Variants in NT5DC1 observed in about 807,000 individuals in gnomAD.
NT5DC1 encodes 5'-nucleotidase domain-containing protein 1.
Under a neutral mutation model 59.4 loss-of-function variants are expected in NT5DC1, and 42 were observed. The ratio of observed to expected loss-of-function variants is 0.71; its 90% CI spans 0.55 to 0.92. The LOEUF is 0.92. Ranked by LOEUF, NT5DC1 falls within the 40% of genes least tolerant of loss-of-function variation. The pLI, the probability that NT5DC1 is intolerant of heterozygous loss-of-function variation, is 0.00. For synonymous variants in NT5DC1, 172 were observed against 188.1 expected, an observed-to-expected ratio of 0.91 and a Z score of 0.70; for missense variants, 501 against 537.1, an observed-to-expected ratio of 0.93 and a Z score of 0.66.
chr6:116,190,798 AC>A (rs1781100065), intron 6 of NT5DC1, among the ~76,000 whole-genome samples: 1 of 152,016 alleles, frequency 6.6e-6, no homozygotes. Context: ...GGGGCAAGTG[AC>A]AGGTCTGCTG....
intron 6 of NT5DC1, chr6:116,125,214 AT>A (rs1779259134): frequency 1.0e-6 from 1 of 999,378 alleles, no homozygotes; most frequent in Non-Finnish European, 1.5e-6. Flanking sequence ...TGTTGTAATA[AT>A]TTGGGCTAAT....
intron 8 of NT5DC1, among the ~76,000 whole-genome samples, chr6:116,225,374 G>A (rs904197112): frequency 6.6e-6 from 1 of 152,194 alleles, no homozygotes; most frequent in African/African-American, 2.4e-5. Context: ...AATATTGAGA[G>A]AATGTAGATA....
At chr6:116,139,452 T>G (rs949831853) in intron 6 of NT5DC1, among the ~76,000 whole-genome samples, 3 of 152,166 alleles carry the variant, frequency 2.0e-5, no homozygotes, top group African/African-American at 7.2e-5. Context: ...TTTTTAACTT[T>G]CAGTGTCGAT....
intron 6 of NT5DC1, among the ~76,000 whole-genome samples, chr6:116,157,053 A>G (rs1442470286): frequency 6.6e-6 from 1 of 152,050 alleles, no homozygotes; most frequent in East Asian, 1.9e-4. Context: ...CCTCCCTTCC[A>G]CCAAATAGAC....
rs896033989 is a variant in NT5DC1 at position 116,161,413 on chromosome 6, TA to T, written c.529+43477del. On this transcript the variant is annotated intron_variant, in intron 6 of 11. Coordinates refer to ENST00000319550, the MANE Select transcript of NT5DC1 (RefSeq NM_152729.3). Reference sequence around the variant, plus strand: ...TAAAAATAAAATTATATAAAGCAGATAAAAAAAAAGAAATAGGGGTCCAGTT... The same window carrying T: ...TAAAAATAAAATTATATAAAGCAGATAAAAAAAAGAAATAGGGGTCCAGTT... Among the ~76,000 whole-genome samples the T allele has an allele frequency of 7.1e-4, 107 of 150,990 alleles. 1 individual carries two copies. Among genetic ancestry groups the T allele is most frequent in the Non-Finnish European group, 9.8e-4 (66 of 67,632 alleles).
chr6:116,221,963 T>C (rs1781817724), intron 7 of NT5DC1, among the ~76,000 whole-genome samples: 1 of 152,212 alleles, frequency 6.6e-6, no homozygotes, highest in African/African-American at 2.4e-5. Context: ...TCTACCTGAG[T>C]CATTAGGTCT....
chr6:116,126,513 T>C (rs931312793), intron 6 of NT5DC1, among the ~76,000 whole-genome samples: 3 of 152,176 alleles, frequency 2.0e-5, no homozygotes, highest in Admixed American at 2.0e-4. Flanking sequence ...GCGGATAAAA[T>C]TCCTTGAAGG....
chr6:116,190,609 C>T (rs1053651110), intron 6 of NT5DC1, among the ~76,000 whole-genome samples: 13 of 151,948 alleles, frequency 8.6e-5, no homozygotes, highest in Admixed American at 8.5e-4. Context: ...GGTAAACACC[C>T]CATGCAGAAA....
rs888103307 is a variant in NT5DC1 at position 116,246,184 on chromosome 6, C to T, written c.*2160C>T. On this transcript the variant is annotated 3_prime_UTR_variant, in exon 12 of 12. Transcript: ENST00000319550. ...AAATGGACAGAAGACATGTAATATT[C>T]GCATACAGGCAAACATTCATAATCT... 1.1e-4 allele frequency: 17 copies of T among 152,042 alleles called. No individual in the cohort carries two copies. The highest frequency in any genetic ancestry group is 5.8e-4 in the East Asian group (3 of 5,190). The allele number at this position is 152,042 out of a possible 1,614,324, so 9.4% of individuals were successfully genotyped here.
intron 6 of NT5DC1, among the ~76,000 whole-genome samples, chr6:116,193,581 A>G (rs1325729673): frequency 6.6e-6 from 1 of 152,104 alleles, no homozygotes; most frequent in Non-Finnish European, 1.5e-5. Flanking sequence ...CATAAACTGA[A>G]AGTCACTAAT....
chr6:116,248,846 G>A lies in NT5DC1; in HGVS notation c.*4822G>A, dbSNP rs902843674. The A allele has an allele frequency of 1.3e-5, 2 of 152,234 alleles. No homozygotes were observed. The highest frequency in any genetic ancestry group is 4.8e-5 in the African/African-American group (2 of 41,466). 9.4% of individuals were successfully genotyped at this position (152,234 alleles called of 1,614,324 possible). ...TAGCAGTGAACCAATTGGTTGGTAA[G>A]TGAAACCTGTAAGATGCCTAATTGA... is the stretch of plus-strand genomic sequence containing the variant. On this transcript the variant is annotated 3_prime_UTR_variant, in exon 12 of 12. Transcript: ENST00000319550.
chr6:116,193,620 T>A (rs1781165832), intron 6 of NT5DC1, among the ~76,000 whole-genome samples: 1 of 152,098 alleles, frequency 6.6e-6, no homozygotes. Context: ...ATCTCTGTGC[T>A]AAGGGACAGT....
chr6:116,153,421 T>G (rs187672116), intron 6 of NT5DC1, among the ~76,000 whole-genome samples: 1 of 152,250 alleles, frequency 6.6e-6, no homozygotes, highest in Admixed American at 6.5e-5. Flanking sequence ...TCAGTTATCT[T>G]TAAGCATAGT....
intron 6 of NT5DC1, among the ~76,000 whole-genome samples, chr6:116,186,178 A>C (rs1397476472): frequency 6.6e-6 from 1 of 152,090 alleles, no homozygotes; most frequent in Non-Finnish European, 1.5e-5. Flanking sequence ...ATTTTGTTTA[A>C]GGAGAACAAA....
intron 6 of NT5DC1, among the ~76,000 whole-genome samples, chr6:116,133,000 A>T (rs1179558504): frequency 6.6e-6 from 1 of 152,198 alleles, no homozygotes; most frequent in Non-Finnish European, 1.5e-5. Context: ...ATGCATAAAA[A>T]CAGGTGTTTA....
rs60150533 is a variant in NT5DC1 at position 116,235,035 on chromosome 6, GTTTT to G, written c.803-1916_803-1913del. Among the ~76,000 whole-genome samples, 58 of 131,804 alleles carry G rather than the reference GTTTT, an allele frequency of 4.4e-4. No homozygotes were observed. The South Asian group carries it at 0.01, about 23-fold the overall frequency. The allele number at this position is 131,804 out of a possible 152,430, so 86.5% of individuals were successfully genotyped here. A position where few individuals can be genotyped will look rare whatever the true frequency, so the allele number is the denominator to read the frequency against. On this transcript the variant is annotated intron_variant, in intron 8 of 11. Coordinates refer to ENST00000319550, the MANE Select transcript of NT5DC1 (RefSeq NM_152729.3). Reference sequence around the variant, plus strand: ...AATTTTTTGTTTTGACTTGATTTGGGTTTTTTTTTTTTTTTTTTGCTTCCTATTA... The same window carrying G: ...AATTTTTTGTTTTGACTTGATTTGGGTTTTTTTTTTTTTTGCTTCCTATTA...
intron 3 of NT5DC1, among the ~76,000 whole-genome samples, chr6:116,110,498 C>T (rs2114902802): frequency 6.6e-6 from 1 of 152,282 alleles, no homozygotes; most frequent in Middle Eastern, 3.4e-3. Context: ...CTGCCAGAAC[C>T]AGCTTCCCAC....
chr6:116,192,211 CTGTT>C (rs1248579801), intron 6 of NT5DC1, among the ~76,000 whole-genome samples: 2 of 151,938 alleles, frequency 1.3e-5, no homozygotes. Context: ...CTGTAAGTCT[CTGTT>C]TGCTCTTAAA....
Position 116,115,723 on chromosome 6 carries a change from C to T in NT5DC1, c.397C>T (p.Leu133=). The change falls in exon 5 of 12, where the codon CTG becomes TTG. Residue 133 remains leucine (L), a synonymous_variant. Transcript: ENST00000319550. ...KYYFYDNYFD[L]PGALLCARVV... ...TTACTTTTACGACAACTACTTTGAC[C>T]TGCCAGGAGCTCTTCTGTGTGCCAG... 6.2e-7 allele frequency: 1 copy of T among 1,605,052 alleles called. No homozygotes were observed.
Sources: gnomAD v4.1 joint callset for allele counts (sites outside exome capture counted in the v4.1 genomes callset) on GRCh38, gnomAD v4.1.1 for gene constraint, MANE v1.5 for transcripts, NCBI Gene and HGNC (gene_info 2026-07-23, HGNC 2026-07-21) for gene names.